RBFOX1: variants seen among roughly 807,000 people sequenced by gnomAD.
RBFOX1 encodes the protein RNA binding protein fox-1 homolog 1.
RBFOX1 carries 8 observed loss-of-function variants against 57.7 expected under a neutral mutation model. That is an observed-to-expected ratio of 0.14 (90% CI 0.08 to 0.25). RBFOX1 has a LOEUF of 0.25. RBFOX1 is among the 10% of genes least tolerant of loss of function. The pLI, the probability that RBFOX1 is intolerant of heterozygous loss-of-function variation, is 1.00. For missense variants in RBFOX1, 611 were observed against 548.5 expected (o/e 1.11, Z -1.14); for synonymous variants, 326 against 222.4 (o/e 1.47, Z -4.15).
chr16:7,229,882 G>A (rs1457945343), intron 4 of RBFOX1, among the ~76,000 whole-genome samples: 2 of 24,942 alleles, frequency 8.0e-5, no homozygotes, highest in African/African-American at 5.7e-4. Context: ...GGAAGGGAGA[G>A]AGAGGGAGGA....
chr16:5,568,997 C>T lies in RBFOX1; in HGVS notation c.259-29905C>T, dbSNP rs1016585004. Among the ~76,000 whole-genome samples, 12 of 148,296 alleles carry T rather than the reference C, an allele frequency of 8.1e-5. No individual in the cohort carries two copies. In the South Asian group the frequency reaches 1.1e-3, roughly 13 times the overall value. On this transcript the variant is annotated intron_variant, in intron 2 of 2. Transcript: ENST00000585867. ...CTGATATTACAGGCACATGCCACCA[C>T]GCCCGGCTAATTTTTGTATTTTTTT...
chr16:6,166,562 G>A (rs1358380100), intron 1 of RBFOX1, among the ~76,000 whole-genome samples: 1 of 152,066 alleles, frequency 6.6e-6, no homozygotes, highest in Non-Finnish European at 1.5e-5. Context: ...GTGGTGACAA[G>A]GGTGACCTGA....
At chr16:7,243,576 G>C (rs763867469) in intron 4 of RBFOX1, among the ~76,000 whole-genome samples, 10 of 152,086 alleles carry the variant, frequency 6.6e-5, no homozygotes, top group Non-Finnish European at 1.5e-4. Context: ...GAGAGAGGCT[G>C]TCACTCTGTC....
intron 1 of RBFOX1, among the ~76,000 whole-genome samples, chr16:5,282,891 C>T (rs1403963882): frequency 1.3e-5 from 2 of 152,164 alleles, no homozygotes; most frequent in African/African-American, 2.4e-5. Flanking sequence ...GTGTGAATCC[C>T]CGTCAATGGG....
chr16:6,738,739 T>C (rs1444310974), intron 3 of RBFOX1, among the ~76,000 whole-genome samples: 1 of 152,056 alleles, frequency 6.6e-6, no homozygotes, highest in African/African-American at 2.4e-5. Flanking sequence ...TCCTAGGCCA[T>C]AAAATAGACA....
intron 3 of RBFOX1, among the ~76,000 whole-genome samples, chr16:5,741,018 G>A (rs1484253827): frequency 6.6e-6 from 1 of 152,126 alleles, no homozygotes; most frequent in Non-Finnish European, 1.5e-5. Flanking sequence ...ATTAAAAAAT[G>A]TCTATGTCTT....
chr16:6,792,039 CCTGAATTGCGTTT>C (rs1409551287), intron 3 of RBFOX1, among the ~76,000 whole-genome samples: 2 of 151,970 alleles, frequency 1.3e-5, no homozygotes, highest in African/African-American at 2.4e-5. Context: ...AAGATTTTAC[CCTGAATTGCGTTT>C]CACGAACTAT....
At chr16:6,251,687 G>A (rs1292523515) in intron 1 of RBFOX1, among the ~76,000 whole-genome samples, 1 of 152,116 alleles carries the variant, frequency 6.6e-6, no homozygotes, top group Non-Finnish European at 1.5e-5. Context: ...GTACATGTGA[G>A]TTAAGGGAAC....
At chr16:6,339,778 C>A (rs894836643) in intron 2 of RBFOX1, among the ~76,000 whole-genome samples, 13 of 152,010 alleles carry the variant, frequency 8.6e-5, no homozygotes, top group African/African-American at 2.9e-4. Flanking sequence ...TCAAGCGATT[C>A]TCCTGCCTCA....
At chr16:6,818,492 A>G (rs1408274870) in intron 3 of RBFOX1, among the ~76,000 whole-genome samples, 3 of 152,154 alleles carry the variant, frequency 2.0e-5, no homozygotes, top group Non-Finnish European at 2.9e-5. Flanking sequence ...AATGCCAGTG[A>G]GGTTTGTTAT....
chr16:5,497,622 C>CAAAAAAAAAAAAAAAAAAAAAAAAAA (rs911723996), intron 2 of RBFOX1, among the ~76,000 whole-genome samples: 6 of 53,418 alleles, frequency 1.1e-4, no homozygotes, highest in African/African-American at 6.6e-4. Context: ...ACTAAAAATA[C>CAAAAAAAAAAAAAAAAAAAAAAAAAA]AAAAAAAAAA....
intron 4 of RBFOX1, among the ~76,000 whole-genome samples, chr16:5,922,733 A>T (rs1393470774): frequency 6.6e-6 from 1 of 152,180 alleles, no homozygotes; most frequent in Non-Finnish European, 1.5e-5. Context: ...CCAACCCCTC[A>T]ATGTATTCAG....
intron 1 of RBFOX1, among the ~76,000 whole-genome samples, chr16:5,347,582 G>A (rs528558189): frequency 2.8e-4 from 42 of 151,780 alleles, no homozygotes; most frequent in Non-Finnish European, 5.3e-4. Context: ...TCGTCTGTCC[G>A]TCTACCCACC....
intron 2 of RBFOX1, among the ~76,000 whole-genome samples, chr16:6,510,007 A>G (rs1327094149): frequency 2.6e-5 from 4 of 152,054 alleles, no homozygotes; most frequent in Admixed American, 6.5e-5. Flanking sequence ...CATGCGATTC[A>G]GGGCAGGGGT....
At chr16:7,173,641 T>C (rs980839509) in intron 4 of RBFOX1, among the ~76,000 whole-genome samples, 4 of 152,088 alleles carry the variant, frequency 2.6e-5, no homozygotes, top group African/African-American at 9.7e-5. Flanking sequence ...AGTAAAGATA[T>C]TAGGAGGTGG....
chr16:6,742,510 C>T (rs545116554), intron 3 of RBFOX1, among the ~76,000 whole-genome samples: 145 of 152,138 alleles, frequency 9.5e-4, no homozygotes, highest in Non-Finnish European at 1.3e-3. Flanking sequence ...TTAATGTCCA[C>T]GAAAAACCCC....
At chr16:6,012,166 T>C (rs2094965108) in intron 4 of RBFOX1, among the ~76,000 whole-genome samples, 1 of 152,220 alleles carries the variant, frequency 6.6e-6, no homozygotes, top group Non-Finnish European at 1.5e-5. Context: ...GCTTACTACC[T>C]TGGCGACTGT....
chr16:6,582,330 T>C (rs557290087), intron 2 of RBFOX1, among the ~76,000 whole-genome samples: 1 of 152,330 alleles, frequency 6.6e-6, no homozygotes, highest in African/African-American at 2.4e-5. Flanking sequence ...GTACAACTTA[T>C]TTTCCAACAT....
intron 3 of RBFOX1, among the ~76,000 whole-genome samples, chr16:7,041,043 G>A (rs1306574869): frequency 6.7e-6 from 1 of 149,472 alleles, no homozygotes; most frequent in Non-Finnish European, 1.5e-5. Flanking sequence ...AGCCCCCTGA[G>A]TAGCTGGGAT....
Sources: allele counts gnomAD v4.1 joint callset (sites outside exome capture counted in the v4.1 genomes callset), GRCh38; gene constraint gnomAD v4.1.1; transcripts MANE v1.5; gene names NCBI Gene and HGNC (gene_info 2026-07-23, HGNC 2026-07-21).